Variants in NAALADL2 observed in about 807,000 individuals in gnomAD.
NAALADL2 encodes the protein N-acetylated alpha-linked acidic dipeptidase like 2.
A neutral mutation model predicts 87.2 loss-of-function variants in NAALADL2; 76 were observed. The observed-to-expected ratio is 0.87, with a 90% CI of 0.72 to 1.05. The LOEUF (loss-of-function observed/expected upper bound fraction) is 1.05, where lower values mean the gene tolerates loss of function less well. Among genes scored for constraint, NAALADL2 ranks in the 50% least tolerant of loss-of-function variants. The pLI, the probability that NAALADL2 is intolerant of heterozygous loss-of-function variation, is 0.00. For missense variants in NAALADL2, 1,089 were observed against 945.8 expected (o/e 1.15, Z -1.99); for synonymous variants, 354 against 331.0 (o/e 1.07, Z -0.75).
intron 1 of NAALADL2, among the ~76,000 whole-genome samples, chr3:174,447,889 C>G (rs1484563585): frequency 6.6e-6 from 1 of 152,032 alleles, no homozygotes; most frequent in Non-Finnish European, 1.5e-5. Context: ...TCTCCATAGA[C>G]TATATTTTCT....
chr3:174,876,013 T>C (rs887831120), intron 1 of NAALADL2, among the ~76,000 whole-genome samples: 5 of 151,896 alleles, frequency 3.3e-5, no homozygotes, highest in African/African-American at 1.2e-4. Flanking sequence ...AAAACTAAAA[T>C]GCATATTTCA....
intron 2 of NAALADL2, among the ~76,000 whole-genome samples, chr3:175,158,937 T>C (rs528049340): frequency 6.6e-6 from 1 of 152,250 alleles, no homozygotes; most frequent in Non-Finnish European, 1.5e-5. Flanking sequence ...CTTTCACTTT[T>C]AGCCATTTTC....
intron 2 of NAALADL2, among the ~76,000 whole-genome samples, chr3:174,637,093 C>A (rs377225596): frequency 1.3e-3 from 197 of 152,134 alleles, no homozygotes; most frequent in African/African-American, 4.6e-3. Flanking sequence ...ATCACATGTT[C>A]TCATTAATAT....
At chr3:175,756,639 C>CAG (rs1263574082) in intron 13 of NAALADL2, among the ~76,000 whole-genome samples, 2 of 151,924 alleles carry the variant, frequency 1.3e-5, no homozygotes, top group East Asian at 3.9e-4. Context: ...CATGGACATA[C>CAG]AGAGAGAGAT....
In NAALADL2 at chr3:175,233,359, AG is replaced by A. The variant is rs139708885; in HGVS notation, c.546-571del. ...TGTTGATAGAAGGATCAGAACTAAT[AG>A]AAGATTTAGTTAGCATTAATATCAC... On this transcript the variant is annotated intron_variant, in intron 2 of 13. Coordinates refer to ENST00000454872, the MANE Select transcript of NAALADL2 (RefSeq NM_207015.3). 1.8e-3 allele frequency among the ~76,000 whole-genome samples: 275 copies of A among 152,298 alleles called. 1 individual carries two copies. Among genetic ancestry groups the A allele is most frequent in the African/African-American group, 6.4e-3 (266 of 41,564 alleles).
chr3:175,171,227 T>C (rs532636279), intron 2 of NAALADL2, among the ~76,000 whole-genome samples: 6 of 152,162 alleles, frequency 3.9e-5, no homozygotes, highest in African/African-American at 9.6e-5. Flanking sequence ...CAGAAACTTA[T>C]ATTACAGAGA....
intron 11 of NAALADL2, among the ~76,000 whole-genome samples, chr3:175,701,016 C>G (rs910194858): frequency 3.3e-5 from 5 of 152,044 alleles, no homozygotes; most frequent in Admixed American, 6.6e-5. Flanking sequence ...AAATGAAGAC[C>G]ACCCAAATGA....
chr3:175,246,836 T>C (rs1748077466), intron 3 of NAALADL2, among the ~76,000 whole-genome samples: 1 of 152,070 alleles, frequency 6.6e-6, no homozygotes, highest in Non-Finnish European at 1.5e-5. Flanking sequence ...TTACTATTGA[T>C]GATATTAGGG....
At chr3:175,765,054 T>G (rs373526940) in intron 13 of NAALADL2, among the ~76,000 whole-genome samples, 14 of 152,250 alleles carry the variant, frequency 9.2e-5, no homozygotes, top group African/African-American at 3.4e-4. Flanking sequence ...ATGCCTCTGA[T>G]TTCTTTAGAC....
chr3:175,183,823 A>G (rs1329698821), intron 2 of NAALADL2, among the ~76,000 whole-genome samples: 1 of 152,106 alleles, frequency 6.6e-6, no homozygotes, highest in Non-Finnish European at 1.5e-5. Flanking sequence ...CTATTTTGAT[A>G]GAGTTTGAGT....
chr3:174,763,141 TAA>T (rs11391398), intron 3 of NAALADL2, among the ~76,000 whole-genome samples: 1 of 148,440 alleles, frequency 6.7e-6, no homozygotes, highest in African/African-American at 2.5e-5. Context: ...CTTATTTTAC[TAA>T]AAAAAAAAGT....
intron 1 of NAALADL2, among the ~76,000 whole-genome samples, chr3:174,873,177 C>G (rs192252068): frequency 6.7e-6 from 1 of 150,146 alleles, no homozygotes; most frequent in East Asian, 1.9e-4. Context: ...ATGAATTAAA[C>G]TAAAACTCAC....
chr3:174,753,729 T>G (rs1282830435), intron 3 of NAALADL2, among the ~76,000 whole-genome samples: 3 of 152,118 alleles, frequency 2.0e-5, no homozygotes, highest in Non-Finnish European at 4.4e-5. Context: ...CTTTGTTTGT[T>G]CCAGCAAAGT....
At chr3:175,717,186 C>T (rs536943230) in intron 11 of NAALADL2, among the ~76,000 whole-genome samples, 2 of 152,102 alleles carry the variant, frequency 1.3e-5, no homozygotes, top group African/African-American at 2.4e-5. Context: ...CTGCCTCCTG[C>T]CGTAGTCTCC....
intron 1 of NAALADL2, among the ~76,000 whole-genome samples, chr3:174,945,552 AG>A (rs1335360050): frequency 7.9e-5 from 12 of 152,342 alleles, no homozygotes; most frequent in African/African-American, 2.6e-4. Context: ...GGTTTTCCAA[AG>A]ATATTCTTTA....
chr3:174,944,547 T>G (rs562806067), intron 1 of NAALADL2, among the ~76,000 whole-genome samples: 2 of 152,216 alleles, frequency 1.3e-5, no homozygotes, highest in Non-Finnish European at 2.9e-5. Flanking sequence ...AGACTGTCAC[T>G]GCTTAGCATC....
intron 2 of NAALADL2, among the ~76,000 whole-genome samples, chr3:175,148,405 T>G (rs903924508): frequency 6.6e-6 from 1 of 152,020 alleles, no homozygotes; most frequent in Non-Finnish European, 1.5e-5. Context: ...GTTGATTTTG[T>G]TGATAGTTTC....
intron 3 of NAALADL2, among the ~76,000 whole-genome samples, chr3:174,807,037 G>A (rs1315152177): frequency 6.6e-6 from 1 of 152,120 alleles, no homozygotes; most frequent in East Asian, 1.9e-4. Flanking sequence ...GAGATTAAGT[G>A]TTTTAAATCT....
chr3:174,493,414 A>G (rs1320475340), intron 1 of NAALADL2, among the ~76,000 whole-genome samples: 1 of 152,196 alleles, frequency 6.6e-6, no homozygotes, highest in Admixed American at 6.5e-5. Flanking sequence ...TAATTTCTTC[A>G]TTTTAAATAA....
Sources: allele counts gnomAD v4.1 joint callset (sites outside exome capture counted in the v4.1 genomes callset), GRCh38; gene constraint gnomAD v4.1.1; transcripts MANE v1.5; gene names NCBI Gene and HGNC (gene_info 2026-07-23, HGNC 2026-07-21).